The following SYNPO2 variants were observed in gnomAD, a reference collection of about 807,000 sequenced individuals.
SYNPO2 encodes the protein synaptopodin 2, also known as synaptopodin-2.
SYNPO2 carries 56 observed loss-of-function variants against 85.0 expected under a neutral mutation model. The ratio of observed to expected loss-of-function variants is 0.66; its 90% confidence interval spans 0.53 to 0.82. The LOEUF (loss-of-function observed/expected upper bound fraction) is 0.82. Among genes scored for constraint, SYNPO2 ranks in the 40% least tolerant of loss-of-function variants. The pLI is 0.00. For synonymous variants in SYNPO2, 602 were observed against 591.1 expected, an observed-to-expected ratio of 1.02 and a Z score of -0.27; for missense variants, 1,575 against 1,534.2, an observed-to-expected ratio of 1.03 and a Z score of -0.44.
chr4:119,019,438 C>T (rs935781091), intron 1 of SYNPO2, among the ~76,000 whole-genome samples: 3 of 152,080 alleles, frequency 2.0e-5, no homozygotes, highest in Non-Finnish European at 2.9e-5. Context: ...GATGTGCTCA[C>T]GCAGGTATTT....
In SYNPO2 at chr4:119,030,858, C is replaced by A. The variant is rs1180080414; in HGVS notation, c.2083C>A (p.Pro695Thr). The A allele has an allele frequency of 6.2e-7, 1 of 1,614,104 alleles. No individual in the cohort carries two copies. Among genetic ancestry groups the A allele is most frequent in the South Asian group, 1.1e-5 (1 of 91,076 alleles). The change falls in exon 4 of 5, where the codon CCC (proline) becomes ACC (threonine). Residue 695 changes from proline to threonine, a missense_variant. Coordinates refer to ENST00000307142, the MANE Select transcript of SYNPO2 (RefSeq NM_133477.3). ...GGCCAAAAGGAGAAGCACGACAAAA[C>A]CCATGTTTACTTTTAAAGAGCCCAA... is the stretch of plus-strand genomic sequence containing the variant. ...QEAKRRSTTK[P>T]MFTFKEPKVS...
Position 119,047,285 on chromosome 4 carries a change from C to T in SYNPO2, c.3253-10116C>T, listed in dbSNP as rs185143664. Among the ~76,000 whole-genome samples, 329 of 152,300 alleles carry T rather than the reference C, an allele frequency of 2.2e-3. 1 individual carries two copies. The highest frequency in any genetic ancestry group is 7.2e-3 in the African/African-American group (300 of 41,570). ...ATGTTGGCCAGGCTGATCATGAACT[C>T]CTTACCTCAGATGATCCACCCACTC... On this transcript the variant is annotated intron_variant, in intron 4 of 4. Transcript: ENST00000307142.
At chr4:118,857,251 A>C (rs558287727) in intron 1 of SYNPO2, among the ~76,000 whole-genome samples, 3 of 152,332 alleles carry the variant, frequency 2.0e-5, no homozygotes, top group African/African-American at 7.2e-5. Flanking sequence ...TTAACAAAGA[A>C]GTGCAAAAGA....
chr4:118,881,899 A>G (rs1176122123), intron 1 of SYNPO2, among the ~76,000 whole-genome samples: 3 of 152,230 alleles, frequency 2.0e-5, no homozygotes. Flanking sequence ...ATCAGCCTCT[A>G]GTGTGCCCAG....
rs148975190 is a variant in SYNPO2, at chr4:119,007,146, A to T, written c.106-16284A>T. ...TTTCTCTCTTCTCTCTCTGTCTCTCACACACACACACGCACACACACACAC... is the reference window on the plus strand; with the variant it reads ...TTTCTCTCTTCTCTCTCTGTCTCTCTCACACACACACGCACACACACACAC... On this transcript the variant is annotated intron_variant, in intron 1 of 4. Coordinates refer to ENST00000307142, the MANE Select transcript of SYNPO2 (RefSeq NM_133477.3). 1.2e-4 allele frequency among the ~76,000 whole-genome samples: 18 copies of T among 144,036 alleles called. No homozygotes were observed. In the South Asian group the frequency reaches 2.2e-3, roughly 18 times the overall value. The allele number at this position is 144,036 out of a possible 152,430, so 94.5% of individuals were successfully genotyped here. A position where few individuals can be genotyped will look rare whatever the true frequency, so the allele number is the denominator to read the frequency against.
At chr4:118,905,466 G>C (rs971129335) in intron 1 of SYNPO2, among the ~76,000 whole-genome samples, 1 of 140,928 alleles carries the variant, frequency 7.1e-6, no homozygotes, top group South Asian at 2.4e-4. Context: ...GTGTGTCTGT[G>C]AGAGAGAGAG....
At position 118,913,561 on chromosome 4, in the gene SYNPO2, GTT is replaced by G. The variant is rs1423897362; in HGVS notation, c.105+24422_105+24423del. ...CATCTTGAGCCTTCTTTCATTTATT[GTT>G]TGTGTGTGTGTGTGTGTGTGTGTGT... On this transcript the variant is annotated intron_variant, in intron 1 of 4. Transcript: ENST00000307142. Among the ~76,000 whole-genome samples the G allele has an allele frequency of 1.9e-4, 22 of 113,736 alleles. No individual in the cohort carries two copies. In the South Asian group the frequency reaches 3.9e-3, roughly 20 times the overall value. The allele number at this position is 113,736 out of a possible 152,430, so 74.6% of individuals were successfully genotyped here.
At chr4:118,921,568 T>C (rs917204968) in intron 1 of SYNPO2, among the ~76,000 whole-genome samples, 3 of 152,040 alleles carry the variant, frequency 2.0e-5, no homozygotes, top group African/African-American at 7.2e-5. Flanking sequence ...GGAAACATAG[T>C]AAGACTCCAT....
At chr4:118,979,395 C>T (rs1419741829) in intron 1 of SYNPO2, among the ~76,000 whole-genome samples, 1 of 152,172 alleles carries the variant, frequency 6.6e-6, no homozygotes, top group Non-Finnish European at 1.5e-5. Flanking sequence ...ACTTTGTAAA[C>T]CCCTTTCCTG....
intron 1 of SYNPO2, among the ~76,000 whole-genome samples, chr4:119,000,233 C>G (rs1010307362): frequency 6.6e-6 from 1 of 152,150 alleles, no homozygotes; most frequent in African/African-American, 2.4e-5. Flanking sequence ...GACACTGACA[C>G]AGGTAGGGGA....
Position 119,055,266 on chromosome 4 carries a change from C to T in SYNPO2, c.3253-2135C>T, listed in dbSNP as rs187634522. On this transcript the variant is annotated intron_variant, in intron 4 of 4. Transcript: ENST00000307142. ...TCCTGGGTTCAAGTGATTCTTGTGC[C>T]TCAGCCTCCTGAGTAGCAGGGATTA... 7.0e-3 allele frequency among the ~76,000 whole-genome samples: 1,064 copies of T among 152,188 alleles called. 9 individuals are homozygous for T. Among genetic ancestry groups the T allele is most frequent in the Non-Finnish European group, 0.011 (770 of 68,020 alleles).
At position 119,031,044 on chromosome 4, in the gene SYNPO2, C is replaced by T; in HGVS notation, c.2269C>T (p.Pro757Ser). 6.2e-7 allele frequency: 1 copy of T among 1,614,124 alleles called. No homozygotes were observed. Among genetic ancestry groups the T allele is most frequent in the Non-Finnish European group, 8.5e-7 (1 of 1,180,016 alleles). The change falls in exon 4 of 5, where the codon CCT (proline) becomes TCT (serine). Residue 757 changes from proline to serine, a missense_variant. Physicochemically the swap from Pro to Ser is moderately conservative, Grantham distance 74. Coordinates refer to ENST00000307142, the MANE Select transcript of SYNPO2 (RefSeq NM_133477.3). Reference protein sequence around the residue: ...QSSSAKQKTPPPVAPKPAVKS... With the variant: ...QSSSAKQKTPSPVAPKPAVKS... ...CTCCTCTGCCAAACAAAAGACCCCT[C>T]CTCCTGTTGCTCCAAAACCTGCAGT...
chr4:118,929,218 G>A (rs1210978667), intron 1 of SYNPO2, among the ~76,000 whole-genome samples: 3 of 151,998 alleles, frequency 2.0e-5, no homozygotes, highest in Non-Finnish European at 4.4e-5. Flanking sequence ...AGAGGAAGTG[G>A]AAGAGCAGAA....
chr4:118,923,381 C>T (rs1424116162), intron 1 of SYNPO2, among the ~76,000 whole-genome samples: 2 of 151,820 alleles, frequency 1.3e-5, no homozygotes, highest in African/African-American at 4.8e-5. Flanking sequence ...CAACAGACAC[C>T]AGGGCCTATT....
At chr4:118,996,311 GT>G in intron 1 of SYNPO2, among the ~76,000 whole-genome samples, 1 of 152,232 alleles carries the variant, frequency 6.6e-6, no homozygotes, top group South Asian at 2.1e-4. Flanking sequence ...CTCTAGAAAG[GT>G]TTCCCAAAAT....
chr4:118,926,208 A>G (rs1362136946), intron 1 of SYNPO2, among the ~76,000 whole-genome samples: 1 of 152,190 alleles, frequency 6.6e-6, no homozygotes, highest in Non-Finnish European at 1.5e-5. Flanking sequence ...AGGCCAGATT[A>G]GGTAGGCTAT....
intron 1 of SYNPO2, among the ~76,000 whole-genome samples, chr4:119,005,270 G>A (rs1736991344): frequency 6.6e-6 from 1 of 152,142 alleles, no homozygotes. Flanking sequence ...TGTTGCCATT[G>A]CTTTTGGCGT....
chr4:118,969,661 G>A (rs1479202137), intron 1 of SYNPO2, among the ~76,000 whole-genome samples: 1 of 152,136 alleles, frequency 6.6e-6, no homozygotes, highest in African/African-American at 2.4e-5. Flanking sequence ...CTGTGTTCCT[G>A]TGAACCAGGA....
intron 1 of SYNPO2, among the ~76,000 whole-genome samples, chr4:118,889,910 G>C (rs1174599302): frequency 2.6e-5 from 4 of 152,042 alleles, no homozygotes; most frequent in Non-Finnish European, 5.9e-5. Flanking sequence ...TTCTCTAATT[G>C]GCATTCAGCT....
Sources: gnomAD v4.1 joint callset for allele counts (sites outside exome capture counted in the v4.1 genomes callset) on GRCh38, gnomAD v4.1.1 for gene constraint, MANE v1.5 for transcripts, NCBI Gene and HGNC (gene_info 2026-07-23, HGNC 2026-07-21) for gene names.